EP300: variants seen among roughly 807,000 people sequenced by gnomAD.
EP300 encodes the protein EP300 lysine acetyltransferase.
Under a neutral mutation model 264.0 loss-of-function variants are expected in EP300, and 31 were observed. That is an observed-to-expected ratio of 0.12 (90% confidence interval 0.09 to 0.16). The LOEUF (loss-of-function observed/expected upper bound fraction) is 0.16. EP300 is among the 10% of genes least tolerant of loss of function. EP300 has a pLI of 1.00. For synonymous variants in EP300, 1,340 were observed against 1,045.4 expected (o/e 1.28, Z -5.44); for missense variants, 2,766 against 3,052.9 (o/e 0.91, Z 2.21).
intron 4 of EP300, among the ~76,000 whole-genome samples, chr22:41,129,307 G>A (rs900804074): frequency 3.9e-5 from 6 of 152,112 alleles, no homozygotes; most frequent in African/African-American, 9.7e-5. Context: ...CACCGCGCCC[G>A]GCCAAAACAC....
chr22:41,161,504 C>T (rs1328950603), intron 20 of EP300, among the ~76,000 whole-genome samples: 1 of 152,074 alleles, frequency 6.6e-6, no homozygotes, highest in East Asian at 1.9e-4. Flanking sequence ...GTAGTCCCAG[C>T]TACTCGGGAG....
intron 2 of EP300, among the ~76,000 whole-genome samples, chr22:41,121,508 C>A (rs2058851955): frequency 6.6e-6 from 1 of 152,138 alleles, no homozygotes; most frequent in Admixed American, 6.6e-5. Context: ...GCTAGAGAAT[C>A]TTTTTTGGTC....
intron 4 of EP300, among the ~76,000 whole-genome samples, chr22:41,128,905 C>T (rs1196937373): frequency 6.6e-6 from 1 of 152,168 alleles, no homozygotes; most frequent in Non-Finnish European, 1.5e-5. Flanking sequence ...CGGTAAAGGT[C>T]GTCTTGGCTG....
intron 1 of EP300, among the ~76,000 whole-genome samples, chr22:41,105,502 G>A (rs576369470): frequency 4.6e-5 from 7 of 151,644 alleles, no homozygotes; most frequent in Non-Finnish European, 8.8e-5. Flanking sequence ...GGGTTCAAGC[G>A]ATTCTCCTGC....
At chr22:41,154,376 C>CTTTTTT (rs869304891) in intron 16 of EP300, among the ~76,000 whole-genome samples, 1,244 of 61,776 alleles carry the variant, frequency 0.02, 194 homozygotes, top group African/African-American at 0.051. Context: ...CTTGTGCACT[C>CTTTTTT]TTTTTTTTTT....
At chr22:41,109,242 A>G (rs1223009133) in intron 1 of EP300, among the ~76,000 whole-genome samples, 3 of 144,028 alleles carry the variant, frequency 2.1e-5, no homozygotes, top group African/African-American at 7.6e-5. Flanking sequence ...CGACAGAGCA[A>G]GACCCTGTCT....
Position 41,117,198 on chromosome 22 carries a change from C to T in EP300, c.106C>T (p.Leu36=). ...SASDGTDFGS[L]FDLEHDLPDE... ...CCCTTTGCTTTTAGATTTTGGCTCTCTATTTGACTTGGAGCACGACTTACC... is the reference window on the plus strand; with the variant it reads ...CCCTTTGCTTTTAGATTTTGGCTCTTTATTTGACTTGGAGCACGACTTACC... Residue 36 remains leucine (L), a synonymous_variant, in exon 2 of 31, where the codon CTA becomes TTA. Transcript: ENST00000263253. 6.2e-7 allele frequency: 1 copy of T among 1,614,132 alleles called. No individual in the cohort carries two copies. The highest frequency in any genetic ancestry group is 8.5e-7 in the Non-Finnish European group (1 of 1,180,028).
intron 19 of EP300, 59 bp downstream of exon 19, chr22:41,158,559 C>T (rs774760758): frequency 8.2e-6 from 11 of 1,345,806 alleles, no homozygotes; most frequent in Admixed American, 5.2e-5. Flanking sequence ...GGAGTGCATG[C>T]GGATGGGCCA....
At position 41,149,032 on chromosome 22, in the gene EP300, T is replaced by C; in HGVS notation, c.2242-6T>C. The C allele has an allele frequency of 6.2e-7, 1 of 1,613,822 alleles. No homozygotes were observed. The highest frequency in any genetic ancestry group is 8.5e-7 in the Non-Finnish European group (1 of 1,179,914). On this transcript the variant is annotated splice_region_variant and splice_polypyrimidine_tract_variant and intron_variant, in intron 12 of 30. Transcript: ENST00000263253. ...TTTGGTGATTTGTGTTTTTTTTTTTTTTCAGCCTATGGGCTATGGGCCTCG... is the reference window on the plus strand; with the variant it reads ...TTTGGTGATTTGTGTTTTTTTTTTTCTTCAGCCTATGGGCTATGGGCCTCG...
intron 2 of EP300, among the ~76,000 whole-genome samples, chr22:41,124,681 G>A (rs2058870773): frequency 2.0e-5 from 3 of 152,112 alleles, no homozygotes; most frequent in Admixed American, 6.5e-5. Flanking sequence ...TCAAATGCTT[G>A]AACATGACAA....
chr22:41,121,034 T>C (rs1321275057), intron 2 of EP300, among the ~76,000 whole-genome samples: 1 of 152,176 alleles, frequency 6.6e-6, no homozygotes, highest in Non-Finnish European at 1.5e-5. Flanking sequence ...CATGGCTCAG[T>C]AGTTCACATC....
rs558982627 is a variant in EP300, at chr22:41,177,042, C to T, written c.5331C>T (p.Gly1777=). 8.1e-6 allele frequency: 13 copies of T among 1,614,126 alleles called. No homozygotes were observed. The highest frequency in any genetic ancestry group is 6.7e-5 in the African/African-American group (5 of 75,010). Reference sequence around the variant, plus strand: ...AGGGTTGCAAACGGAAAACCAATGGCGGGTGCCCCATCTGCAAGCAGCTCA... The same window carrying T: ...AGGGTTGCAAACGGAAAACCAATGGTGGGTGCCCCATCTGCAAGCAGCTCA... ...HTKGCKRKTN[G]GCPICKQLIA... is the part of the protein sequence containing the mutation. The change falls in exon 31 of 31, where the codon GGC becomes GGT. Residue 1777 remains glycine (G), a synonymous_variant. Transcript: ENST00000263253.
intron 1 of EP300, among the ~76,000 whole-genome samples, chr22:41,094,663 GATC>G (rs1243262171): frequency 6.6e-6 from 1 of 152,118 alleles, no homozygotes; most frequent in Non-Finnish European, 1.5e-5. Context: ...ACATTTTTTA[GATC>G]ATCTTTAGAG....
intron 1 of EP300, among the ~76,000 whole-genome samples, chr22:41,101,295 G>A (rs1235703907): frequency 1.3e-5 from 2 of 151,906 alleles, no homozygotes; most frequent in Non-Finnish European, 2.9e-5. Context: ...GGCTGGTCTC[G>A]AACTCCTGAC....
chr22:41,171,824 G>C (rs2059172507), intron 27 of EP300, among the ~76,000 whole-genome samples: 1 of 151,762 alleles, frequency 6.6e-6, no homozygotes, highest in South Asian at 2.1e-4. Context: ...CATTGGTCAG[G>C]CTGGTCTCGA....
chr22:41,151,126 A>G (rs764669874), intron 14 of EP300, among the ~76,000 whole-genome samples: 9 of 152,094 alleles, frequency 5.9e-5, no homozygotes, highest in South Asian at 2.1e-4. Context: ...TCGGTATCCA[A>G]TAGTTCTCAG....
At position 41,179,138 on chromosome 22, in the gene EP300, T is replaced by G. The variant is rs1032284101; in HGVS notation, c.*182T>G. On this transcript the variant is annotated 3_prime_UTR_variant, in exon 31 of 31. Coordinates refer to ENST00000263253, the MANE Select transcript of EP300 (RefSeq NM_001429.4). ...CATGCAAGATGAACCTGAGGGATGA[T>G]AGAATACAAAGAATATATTTTTGTT... 1 of 664,318 alleles carries G rather than the reference T, an allele frequency of 1.5e-6. No individual in the cohort carries two copies. Among genetic ancestry groups the G allele is most frequent in the Non-Finnish European group, 2.5e-6 (1 of 395,052 alleles). The allele number at this position is 664,318 out of a possible 1,614,324, so 41.2% of individuals were successfully genotyped here.
chr22:41,155,051 C>T lies in EP300; in HGVS notation c.3199C>T (p.Arg1067Cys), dbSNP rs776310672. Residue 1067 changes from arginine to cysteine, a missense_variant, in exon 17 of 31, where the codon CGT (arginine) becomes TGT (cysteine). Coordinates refer to ENST00000263253, the MANE Select transcript of EP300 (RefSeq NM_001429.4). ...GATGCCAACTTTGGAGGCACTTTAC[C>T]GTCAGGATCCAGAATCCCTTCCCTT... Reference protein sequence around the residue: ...ALMPTLEALYRQDPESLPFRQ... With the variant: ...ALMPTLEALYCQDPESLPFRQ... The T allele has an allele frequency of 6.2e-6, 10 of 1,613,904 alleles. No individual in the cohort carries two copies. The highest frequency in any genetic ancestry group is 1.1e-5 in the South Asian group (1 of 91,084).
At chr22:41,160,610 A>T in intron 19 of EP300, 32 bp from the exon 20 acceptor site, 1 of 1,603,396 alleles carries the variant, frequency 6.2e-7, no homozygotes, top group Non-Finnish European at 8.5e-7. Flanking sequence ...TGAACGGAAC[A>T]GTTCACCCCA....
Sources: allele counts gnomAD v4.1 joint callset (sites outside exome capture counted in the v4.1 genomes callset), GRCh38; gene constraint gnomAD v4.1.1; transcripts MANE v1.5; gene names NCBI Gene and HGNC (gene_info 2026-07-23, HGNC 2026-07-21).